ERI3: variants seen among roughly 807,000 people sequenced by gnomAD.
ERI3 encodes the protein ERI1 exoribonuclease 3.
Under a neutral mutation model 44.4 loss-of-function variants are expected in ERI3, and 18 were observed. The observed-to-expected ratio is 0.41, with a 90% CI of 0.28 to 0.60. ERI3 has a LOEUF of 0.60. Ranked by LOEUF, ERI3 falls within the 20% of genes least tolerant of loss-of-function variation. The pLI is 0.36. For missense variants in ERI3, 294 were observed against 435.5 expected (o/e 0.68, Z 2.89); for synonymous variants, 183 against 164.8 (o/e 1.11, Z -0.84).
chr1:44,284,855 G>C lies in ERI3; in HGVS notation c.811C>G (p.Gln271Glu). ...AGTACCTTTTTCAGATTAATCCACTGCTTGAAGTAATCCGCCACTGGCAAG... is the reference window on the plus strand; with the variant it reads ...AGTACCTTTTTCAGATTAATCCACTCCTTGAAGTAATCCGCCACTGGCAAG... ...LGLPVADYFK[Q>E]WINLKKAYSF... The change falls in exon 7 of 9, where the codon CAG becomes GAG. Residue 271 changes from glutamine to glutamate, a missense_variant. Transcript: ENST00000372257. 1.9e-6 allele frequency: 3 copies of C among 1,614,084 alleles called. No homozygotes were observed. In the South Asian group the frequency reaches 3.3e-5, roughly 18 times the overall value.
chr1:44,267,813 A>T (rs1645018176), intron 7 of ERI3, among the ~76,000 whole-genome samples: 1 of 152,168 alleles, frequency 6.6e-6, no homozygotes, highest in African/African-American at 2.4e-5. Flanking sequence ...CTACCTGCCC[A>T]CACCCACACA....
At chr1:44,224,193 T>C (rs1643978236) in intron 8 of ERI3, among the ~76,000 whole-genome samples, 2 of 152,214 alleles carry the variant, frequency 1.3e-5, no homozygotes, top group Admixed American at 1.3e-4. Context: ...CTCAAATTCA[T>C]TCTCTTACAG....
rs1255332640 is a variant in ERI3 at position 44,339,035 on chromosome 1, G to C, written c.489+10C>G. The C allele has an allele frequency of 6.2e-7, 1 of 1,608,212 alleles. No homozygotes were observed. Among genetic ancestry groups the C allele is most frequent in the Non-Finnish European group, 8.5e-7 (1 of 1,175,518 alleles). On this transcript the variant is annotated intron_variant, in intron 3 of 8. Transcript: ENST00000372257. ...CCCCACCTTTTCTAAAGCAATGATG[G>C]AACAGTTACCTGAGGATGAATCTGT...
intron 8 of ERI3, among the ~76,000 whole-genome samples, chr1:44,246,778 CT>C (rs1253393493): frequency 6.6e-6 from 1 of 152,204 alleles, no homozygotes; most frequent in African/African-American, 2.4e-5. Flanking sequence ...AGAACAGAAA[CT>C]TCTACTTAGC....
chr1:44,355,252 C>G lies in ERI3; in HGVS notation c.-226G>C. ...CCAGCACCACGAGTCCACAACACACCGACTCACCTCCGCGCACTCTGACCC... is the reference window on the plus strand; with the variant it reads ...CCAGCACCACGAGTCCACAACACACGGACTCACCTCCGCGCACTCTGACCC... On this transcript the variant is annotated 5_prime_UTR_variant, in exon 1 of 9. Coordinates refer to ENST00000372257, the MANE Select transcript of ERI3 (RefSeq NM_024066.3). The G allele has an allele frequency of 8.6e-7, 1 of 1,165,298 alleles. No homozygotes were observed. The highest frequency in any genetic ancestry group is 1.1e-6 in the Non-Finnish European group (1 of 945,294). 72.2% of individuals were successfully genotyped at this position (1,165,298 alleles called of 1,614,324 possible).
intron 8 of ERI3, among the ~76,000 whole-genome samples, chr1:44,247,555 G>A (rs796135557): frequency 9.8e-5 from 15 of 152,288 alleles, no homozygotes; most frequent in African/African-American, 3.4e-4. Flanking sequence ...CCAGTTTAGT[G>A]GCCACAGACT....
At chr1:44,240,040 G>A (rs1480994311) in intron 8 of ERI3, among the ~76,000 whole-genome samples, 1 of 152,254 alleles carries the variant, frequency 6.6e-6, no homozygotes, top group Non-Finnish European at 1.5e-5. Context: ...TGCCTGGTGG[G>A]AGGGTACAGC....
At chr1:44,352,756 A>C in intron 2 of ERI3, 94 bp downstream of exon 2, 1 of 1,391,028 alleles carries the variant, frequency 7.2e-7, no homozygotes, top group East Asian at 2.3e-5. Flanking sequence ...TGGGAAAAAA[A>C]ATACAATCTG....
At chr1:44,305,783 A>G (rs752466155) in intron 6 of ERI3, among the ~76,000 whole-genome samples, 4 of 152,256 alleles carry the variant, frequency 2.6e-5, no homozygotes, top group Admixed American at 6.5e-5. Context: ...GACAGCAATG[A>G]GAAGGAACCA....
At chr1:44,343,618 T>C (rs1557868882) in intron 2 of ERI3, among the ~76,000 whole-genome samples, 1 of 152,186 alleles carries the variant, frequency 6.6e-6, no homozygotes, top group East Asian at 1.9e-4. Flanking sequence ...TAAAGGAGAC[T>C]AGAGACTTGA....
rs368832064 is a variant in ERI3 at position 44,346,849 on chromosome 1, T to C, written c.211+6001A>G. Among the ~76,000 whole-genome samples the C allele has an allele frequency of 2.0e-5, 3 of 152,186 alleles. No individual in the cohort carries two copies. The East Asian group carries it at 5.8e-4, about 29-fold the overall frequency. ...ATGTCTTTGGGATTCAATTCAACCG[T>C]GCGATGTACAAAAAGTGCTTTGCAC... On this transcript the variant is annotated intron_variant, in intron 2 of 8. Coordinates refer to ENST00000372257, the MANE Select transcript of ERI3 (RefSeq NM_024066.3).
chr1:44,325,793 C>G (rs1255390223), intron 3 of ERI3, among the ~76,000 whole-genome samples: 1 of 152,132 alleles, frequency 6.6e-6, no homozygotes, highest in Admixed American at 6.5e-5. Flanking sequence ...TCCCAAGTAG[C>G]TGGGATTACC....
chr1:44,224,713 A>G (rs1643993290), intron 8 of ERI3, among the ~76,000 whole-genome samples: 1 of 152,222 alleles, frequency 6.6e-6, no homozygotes, highest in Non-Finnish European at 1.5e-5. Context: ...GATAGGGGCC[A>G]GCAGACTTAG....
chr1:44,250,635 C>T (rs979315163), intron 7 of ERI3, among the ~76,000 whole-genome samples: 36 of 152,066 alleles, frequency 2.4e-4, no homozygotes, highest in African/African-American at 4.8e-5. Flanking sequence ...GTCTCCACTG[C>T]GGCCGTGGGT....
chr1:44,323,799 C>G (rs1490249884), intron 3 of ERI3, among the ~76,000 whole-genome samples: 2 of 152,196 alleles, frequency 1.3e-5, no homozygotes, highest in Non-Finnish European at 2.9e-5. Flanking sequence ...CTGACACTTA[C>G]ACTGCTTGTG....
At chr1:44,281,092 C>T (rs898773009) in intron 7 of ERI3, among the ~76,000 whole-genome samples, 1 of 152,190 alleles carries the variant, frequency 6.6e-6, no homozygotes, top group African/African-American at 2.4e-5. Context: ...AATTTCAACT[C>T]ATTCTTCAGG....
At chr1:44,282,218 CT>C (rs1645304816) in intron 7 of ERI3, among the ~76,000 whole-genome samples, 1 of 152,082 alleles carries the variant, frequency 6.6e-6, no homozygotes, top group African/African-American at 2.4e-5. Flanking sequence ...GATTAGAGGT[CT>C]TAGGAAATAG....
At chr1:44,284,960 T>A (rs1218514112) in intron 6 of ERI3, 53 bp from the exon 7 acceptor site, 5 of 1,492,720 alleles carry the variant, frequency 3.3e-6, no homozygotes, top group Non-Finnish European at 4.7e-6. Flanking sequence ...GTCCCAGGTA[T>A]GAAGTCTTAA....
chr1:44,353,821 G>A, intron 1 of ERI3: 1 of 985,376 alleles, frequency 1.0e-6, no homozygotes, highest in Non-Finnish European at 1.2e-6. Flanking sequence ...CTGAGCTCCA[G>A]TGAAGCACCA....
Sources: gnomAD v4.1 joint callset for allele counts (sites outside exome capture counted in the v4.1 genomes callset) on GRCh38, gnomAD v4.1.1 for gene constraint, MANE v1.5 for transcripts, NCBI Gene and HGNC (gene_info 2026-07-23, HGNC 2026-07-21) for gene names.